SHANK2: variants seen among roughly 807,000 people sequenced by gnomAD.
SHANK2 encodes SH3 and multiple ankyrin repeat domains protein 2.
SHANK2 carries 43 observed loss-of-function variants against 133.7 expected under a neutral mutation model. That is an observed-to-expected ratio of 0.32 (90% CI 0.25 to 0.41). The LOEUF (loss-of-function observed/expected upper bound fraction) is 0.41, where lower values mean the gene tolerates loss of function less well. Among genes scored for constraint, SHANK2 ranks in the 10% least tolerant of loss-of-function variants. The probability of loss-of-function intolerance (pLI) is 1.00; values close to 1 mark genes in which losing one functional copy is unlikely to be tolerated. For synonymous variants in SHANK2, 1,017 were observed against 952.8 expected (o/e 1.07, Z -1.24); for missense variants, 1,994 against 2,235.8 (o/e 0.89, Z 2.18).
chr11:70,942,935 A>G, intron 10 of SHANK2: 1 of 452,232 alleles, frequency 2.2e-6, no homozygotes, highest in Non-Finnish European at 4.4e-6. Context: ...ATAAAGATAG[A>G]TGGGAAAGTG....
intron 17 of SHANK2, among the ~76,000 whole-genome samples, chr11:70,538,347 C>T (rs1554974545): frequency 2.0e-5 from 3 of 152,254 alleles, no homozygotes. Flanking sequence ...CCGCCTTTGT[C>T]CCGAGGGGCT....
At chr11:70,874,882 A>G (rs1555070898) in intron 11 of SHANK2, among the ~76,000 whole-genome samples, 1 of 152,176 alleles carries the variant, frequency 6.6e-6, no homozygotes, top group African/African-American at 2.4e-5. Flanking sequence ...CAGGGCATGG[A>G]GACCAGGCCA....
intron 10 of SHANK2, among the ~76,000 whole-genome samples, chr11:70,935,743 T>TTCCAAGATCTGAAAGGCCTAC (rs541087165): frequency 0.017 from 2,604 of 152,256 alleles, 26 homozygotes; most frequent in Middle Eastern, 0.044. Flanking sequence ...ACTAGACACT[T>TTCCAAGATCTGAAAGGCCTAC]TCCAAGATCT....
intron 17 of SHANK2, among the ~76,000 whole-genome samples, chr11:70,554,524 GT>G (rs1398657933): frequency 6.6e-6 from 1 of 152,120 alleles, no homozygotes; most frequent in Non-Finnish European, 1.5e-5. Context: ...TGCACAGAAA[GT>G]TCAGAGTTCC....
In SHANK2 at chr11:70,896,575, G is replaced by T. The variant is rs1555075743; in HGVS notation, c.1108-8C>A. 2.8e-6 allele frequency: 2 copies of T among 718,930 alleles called. No individual in the cohort carries two copies. Among genetic ancestry groups the T allele is most frequent in the Admixed American group, 4.0e-5 (2 of 49,958 alleles). The allele number at this position is 718,930 out of a possible 1,614,324, so 44.5% of individuals were successfully genotyped here. The stretch of plus-strand genomic sequence containing the variant: ...GCCTGCTATTATGGCCACCTGCAAA[G>T]TGAAAATCACATTAAGTTAAGTGTC... On this transcript the variant is annotated splice_polypyrimidine_tract_variant and splice_region_variant and intron_variant, in intron 10 of 25. Coordinates refer to ENST00000601538, the MANE Select transcript of SHANK2 (RefSeq NM_012309.5).
chr11:71,239,719 C>T (rs1565532366), intron 1 of SHANK2, among the ~76,000 whole-genome samples: 1 of 152,144 alleles, frequency 6.6e-6, no homozygotes, highest in Non-Finnish European at 1.5e-5. Flanking sequence ...AAGCCACCTA[C>T]CCACATCGGC....
chr11:71,180,853 G>A (rs1953540311), intron 2 of SHANK2, among the ~76,000 whole-genome samples: 1 of 151,944 alleles, frequency 6.6e-6, no homozygotes, highest in Non-Finnish European at 1.5e-5. Context: ...CAGGGGCAAG[G>A]TCAGACCATC....
chr11:70,631,880 GCGCCCGTCTT>G (rs2060996478), intron 17 of SHANK2: 2 of 152,008 alleles, frequency 1.3e-5, no homozygotes, highest in African/African-American at 4.8e-5. Context: ...GCGCCCATCT[GCGCCCGTCTT>G]GGAAAACACA....
intron 6 of SHANK2, among the ~76,000 whole-genome samples, chr11:71,100,592 G>A (rs900541288): frequency 6.6e-6 from 1 of 152,226 alleles, no homozygotes. Flanking sequence ...TGGTTGGCCA[G>A]GCACAGTGGT....
At chr11:70,828,836 G>A (rs955531417) in intron 11 of SHANK2, among the ~76,000 whole-genome samples, 3 of 152,194 alleles carry the variant, frequency 2.0e-5, no homozygotes, top group Non-Finnish European at 4.4e-5. Flanking sequence ...GGGAACTCTC[G>A]GGGAGACTCA....
chr11:70,597,212 C>T (rs1436904455), intron 17 of SHANK2, among the ~76,000 whole-genome samples: 3 of 152,198 alleles, frequency 2.0e-5, no homozygotes, highest in South Asian at 2.1e-4. Flanking sequence ...GCTCAGCACC[C>T]GCCGCCAGGG....
intron 13 of SHANK2, among the ~76,000 whole-genome samples, chr11:70,806,403 T>TGACTTCCCCCTGG (rs1242907162): frequency 1.1e-4 from 16 of 152,358 alleles, no homozygotes; most frequent in Non-Finnish European, 1.9e-4. Context: ...TTTATCTTCC[T>TGACTTCCCCCTGG]GCAGTGCTTC....
chr11:70,576,500 G>T (rs2060118106), intron 17 of SHANK2, among the ~76,000 whole-genome samples: 1 of 152,182 alleles, frequency 6.6e-6, no homozygotes, highest in Non-Finnish European at 1.5e-5. Context: ...AGCCAGGCGT[G>T]GTGGTGGGTG....
chr11:70,777,731 C>T (rs1947396729), intron 14 of SHANK2, among the ~76,000 whole-genome samples: 1 of 152,224 alleles, frequency 6.6e-6, no homozygotes, highest in Non-Finnish European at 1.5e-5. Flanking sequence ...TGCCTTCAGT[C>T]CTCTTGGCTT....
chr11:71,085,038 T>C (rs1951359733), intron 8 of SHANK2, among the ~76,000 whole-genome samples: 1 of 152,188 alleles, frequency 6.6e-6, no homozygotes, highest in Non-Finnish European at 1.5e-5. Context: ...CATTTGACCA[T>C]TTTTACAAAG....
At chr11:71,119,578 CAA>C (rs55759811) in intron 3 of SHANK2, among the ~76,000 whole-genome samples, 6 of 134,436 alleles carry the variant, frequency 4.5e-5, no homozygotes, top group African/African-American at 1.2e-4. Flanking sequence ...GACTCCATCT[CAA>C]AAAAAAAAAA....
chr11:70,637,917 A>C (rs1466017137), intron 17 of SHANK2, among the ~76,000 whole-genome samples: 2 of 152,136 alleles, frequency 1.3e-5, no homozygotes, highest in Admixed American at 6.5e-5. Flanking sequence ...GCTCACGCCA[A>C]GCCGGCTTCC....
intron 12 of SHANK2, among the ~76,000 whole-genome samples, chr11:70,816,028 C>T (rs904614586): frequency 8.5e-5 from 13 of 152,216 alleles, no homozygotes; most frequent in African/African-American, 3.1e-4. Flanking sequence ...GACAATAACA[C>T]CTGATACCCT....
chr11:70,630,269 T>TCCCAGGC (rs2060966397), intron 17 of SHANK2, among the ~76,000 whole-genome samples: 1 of 152,012 alleles, frequency 6.6e-6, no homozygotes, highest in Non-Finnish European at 1.5e-5. Flanking sequence ...ATGCCCCAGG[T>TCCCAGGC]CCCAGGCCCC....
Sources: allele counts gnomAD v4.1 joint callset (sites outside exome capture counted in the v4.1 genomes callset), GRCh38; gene constraint gnomAD v4.1.1; transcripts MANE v1.5; gene names NCBI Gene and HGNC (gene_info 2026-07-23, HGNC 2026-07-21).